STIM1: variants seen among roughly 807,000 people sequenced by gnomAD.
The protein encoded by STIM1 is stromal interaction molecule 1.
STIM1 carries 25 observed loss-of-function variants against 74.7 expected under a neutral mutation model. That is an observed-to-expected ratio of 0.33 (90% CI 0.24 to 0.47). The LOEUF (loss-of-function observed/expected upper bound fraction) is 0.47. STIM1 is among the 20% of genes least tolerant of loss of function. The pLI, the probability that STIM1 is intolerant of heterozygous loss-of-function variation, is 1.00. For synonymous variants in STIM1, 328 were observed against 348.8 expected (o/e 0.94, Z 0.66); for missense variants, 728 against 920.8 (o/e 0.79, Z 2.71).
chr11:3,875,341 A>G (rs1189036698), intron 1 of STIM1, among the ~76,000 whole-genome samples: 1 of 152,244 alleles, frequency 6.6e-6, no homozygotes, highest in Non-Finnish European at 1.5e-5. Flanking sequence ...CTTGAAAACA[A>G]TTGAAAAACT....
chr11:3,911,712 C>T (rs1158738885), intron 1 of STIM1, among the ~76,000 whole-genome samples: 2 of 152,260 alleles, frequency 1.3e-5, no homozygotes, highest in Admixed American at 1.3e-4. Flanking sequence ...AACTCCTCAT[C>T]TTTTAGTACA....
intron 12 of STIM1, among the ~76,000 whole-genome samples, chr11:4,089,734 T>C (rs1590702052): frequency 6.6e-6 from 1 of 152,246 alleles, no homozygotes; most frequent in East Asian, 1.9e-4. Flanking sequence ...TGCTTTTGCC[T>C]GTTTCAGGGG....
chr11:3,884,799 T>C (rs1241340810), intron 1 of STIM1, among the ~76,000 whole-genome samples: 1 of 147,654 alleles, frequency 6.8e-6, no homozygotes, highest in East Asian at 1.9e-4. Context: ...AAAAAAGGGG[T>C]ATGTTTGTAT....
chr11:3,939,583 A>G (rs1343794606), intron 1 of STIM1, among the ~76,000 whole-genome samples: 1 of 152,156 alleles, frequency 6.6e-6, no homozygotes, highest in Non-Finnish European at 1.5e-5. Flanking sequence ...CCCTCCCAAT[A>G]CCTTGTGATA....
At chr11:3,975,438 A>C (rs904367845) in intron 2 of STIM1, among the ~76,000 whole-genome samples, 4 of 152,184 alleles carry the variant, frequency 2.6e-5, no homozygotes, top group Non-Finnish European at 5.9e-5. Context: ...CCAACATGGC[A>C]AAACCCTCTC....
rs1202001349 is a variant in STIM1, at chr11:3,886,688, A to C, written c.139+30279A>C. On this transcript the variant is annotated intron_variant, in intron 1 of 12. Coordinates refer to ENST00000526596, the MANE Select transcript of STIM1 (RefSeq NM_001382567.1). ...GGGTGACAGAGCGAGACTCTGTGTC[A>C]AAAAAAAAAAAAAAAAAAAAAAAGG... is the stretch of plus-strand genomic sequence containing the variant. 2.1e-3 allele frequency among the ~76,000 whole-genome samples: 57 copies of C among 26,970 alleles called. 1 individual carries two copies. The highest frequency in any genetic ancestry group is 0.019 in the Middle Eastern group (1 of 54). 17.7% of individuals were successfully genotyped at this position (26,970 alleles called of 152,430 possible).
intron 2 of STIM1, among the ~76,000 whole-genome samples, chr11:3,972,308 C>T (rs2093403839): frequency 6.6e-6 from 1 of 152,156 alleles, no homozygotes; most frequent in Non-Finnish European, 1.5e-5. Flanking sequence ...ATTATTGTGA[C>T]TAGAGTGTTA....
chr11:4,036,411 A>G (rs2119987), intron 3 of STIM1, among the ~76,000 whole-genome samples: 38,647 of 152,104 alleles, frequency 0.25, 6,129 homozygotes, highest in South Asian at 0.46. Context: ...TTCTGCTTCT[A>G]GATCTTTGAG....
intron 3 of STIM1, among the ~76,000 whole-genome samples, chr11:4,051,936 A>G (rs1281401967): frequency 6.6e-6 from 1 of 152,250 alleles, no homozygotes; most frequent in African/African-American, 2.4e-5. Flanking sequence ...ATGTGCAAAA[A>G]TCATAAGCAT....
chr11:3,901,380 AT>A (rs1590546199), intron 1 of STIM1, among the ~76,000 whole-genome samples: 1 of 152,174 alleles, frequency 6.6e-6, no homozygotes, highest in African/African-American at 2.4e-5. Flanking sequence ...ACCTATTGAC[AT>A]TTTGTTAGAT....
intron 1 of STIM1, among the ~76,000 whole-genome samples, chr11:3,890,657 G>A (rs563316679): frequency 2.6e-5 from 4 of 152,244 alleles, no homozygotes; most frequent in South Asian, 2.1e-4. Flanking sequence ...GCAGTGAGCC[G>A]AGATCACGCC....
intron 3 of STIM1, among the ~76,000 whole-genome samples, chr11:4,044,095 G>C (rs2094171510): frequency 6.6e-6 from 1 of 152,020 alleles, no homozygotes; most frequent in African/African-American, 2.4e-5. Flanking sequence ...AGAACTCCAG[G>C]GGTTAGCCTT....
intron 2 of STIM1, among the ~76,000 whole-genome samples, chr11:3,969,814 G>C (rs2093374308): frequency 1.3e-5 from 2 of 152,224 alleles, no homozygotes; most frequent in South Asian, 4.1e-4. Flanking sequence ...CCAGGCAACT[G>C]TAGGTTCTTG....
chr11:3,954,376 GA>G (rs1237389351), intron 1 of STIM1, among the ~76,000 whole-genome samples: 4 of 152,044 alleles, frequency 2.6e-5, no homozygotes, highest in African/African-American at 7.2e-5. Context: ...AATGTTCATT[GA>G]AGTCTAACCG....
chr11:4,046,729 A>C (rs548874106), intron 3 of STIM1, among the ~76,000 whole-genome samples: 1 of 152,290 alleles, frequency 6.6e-6, no homozygotes. Flanking sequence ...GGCTCACTGC[A>C]ACCTTGAACT....
intron 1 of STIM1, among the ~76,000 whole-genome samples, chr11:3,953,044 T>G (rs1167761252): frequency 6.6e-6 from 1 of 152,060 alleles, no homozygotes; most frequent in African/African-American, 2.4e-5. Flanking sequence ...AAAAGAATGC[T>G]TAGAGGAGGA....
At chr11:3,983,763 A>G (rs1350061936) in intron 2 of STIM1, among the ~76,000 whole-genome samples, 1 of 152,160 alleles carries the variant, frequency 6.6e-6, no homozygotes, top group African/African-American at 2.4e-5. Flanking sequence ...CCTGGACCCA[A>G]TTCTGAACAT....
chr11:3,892,970 A>G, intron 1 of STIM1: 2 of 860,566 alleles, frequency 2.3e-6, no homozygotes, highest in Non-Finnish European at 3.6e-6. Flanking sequence ...GGGTTTTGCC[A>G]TGTTGCCCAG....
At chr11:4,047,484 C>A (rs1022821522) in intron 3 of STIM1, among the ~76,000 whole-genome samples, 1 of 152,090 alleles carries the variant, frequency 6.6e-6, no homozygotes, top group Non-Finnish European at 1.5e-5. Flanking sequence ...GGTGTGGCGG[C>A]ATGTGTCTGT....
Sources: allele counts gnomAD v4.1 joint callset (sites outside exome capture counted in the v4.1 genomes callset), GRCh38; gene constraint gnomAD v4.1.1; transcripts MANE v1.5; gene names NCBI Gene and HGNC (gene_info 2026-07-23, HGNC 2026-07-21).